Variants in SLC17A3 observed in about 807,000 individuals in gnomAD.
SLC17A3 encodes the protein sodium-dependent phosphate transport protein 4.
Under a neutral mutation model 60.3 loss-of-function variants are expected in SLC17A3, and 61 were observed. The ratio of observed to expected loss-of-function variants is 1.01; its 90% CI spans 0.82 to 1.25. The LOEUF is 1.25. SLC17A3 is among the 50% of genes most tolerant of loss of function. The probability of loss-of-function intolerance (pLI) is 0.00; values close to 1 mark genes in which losing one functional copy is unlikely to be tolerated. For synonymous variants in SLC17A3, 192 were observed against 208.9 expected (o/e 0.92, Z 0.70); for missense variants, 624 against 594.9 (o/e 1.05, Z -0.51).
chr6:25,857,328 T>C (rs1018444197), intron 5 of SLC17A3, among the ~76,000 whole-genome samples: 2 of 152,212 alleles, frequency 1.3e-5, no homozygotes, highest in African/African-American at 4.8e-5. Context: ...CTTTTTATCT[T>C]TGTTTCTTTT....
intron 7 of SLC17A3, 38 bp from the exon 8 acceptor site, chr6:25,850,658 C>T: frequency 6.2e-7 from 1 of 1,612,944 alleles, no homozygotes; most frequent in Non-Finnish European, 8.5e-7. Flanking sequence ...GTAAATCCGA[C>T]AGATGCTCAC....
chr6:25,855,167 C>T lies in SLC17A3; in HGVS notation c.689G>A (p.Trp230Ter), dbSNP rs561497734. The part of the protein sequence containing the change: ...IGGFISETLG[W>*]PFVFYIFGGV... ...ACCAAAGATATAGAAGACAAAGGGCCACCCAAGGGTTTCACTAATGAAGCC... is the reference window on the plus strand; with the variant it reads ...ACCAAAGATATAGAAGACAAAGGGCTACCCAAGGGTTTCACTAATGAAGCC... The change falls in exon 6 of 13, where the codon TGG (tryptophan) becomes TAG (stop). Residue 230 changes from tryptophan (W) to a stop codon, truncating the protein, a stop_gained. Coordinates refer to ENST00000397060, the MANE Select transcript of SLC17A3 (RefSeq NM_001098486.2). LOFTEE classifies it high-confidence loss of function. 33 of 1,613,102 alleles carry T rather than the reference C, an allele frequency of 2.0e-5. No homozygotes were observed. Among genetic ancestry groups the T allele is most frequent in the Admixed American group, 3.3e-5 (2 of 59,974 alleles).
Position 25,850,140 on chromosome 6 carries a change from C to A in SLC17A3, c.1031G>T (p.Trp344Leu), listed in dbSNP as rs565447326. 5.0e-6 allele frequency: 8 copies of A among 1,613,380 alleles called. No homozygotes were observed. The highest frequency in any genetic ancestry group is 6.8e-6 in the Non-Finnish European group (8 of 1,179,478). Residue 344 changes from tryptophan to leucine, a missense_variant, in exon 9 of 13, where the codon TGG (tryptophan) becomes TTG (leucine). Transcript: ENST00000397060. ...ATAGCCTCCCACCATGCCTATGACC[C>A]AGGCAACAATAAAAGGAAGGGCAGA... Reference protein sequence around the residue: ...LLSALPFIVAWVIGMVGGYLA... With the variant: ...LLSALPFIVALVIGMVGGYLA...
At chr6:25,857,472 T>C (rs926456855) in intron 5 of SLC17A3, among the ~76,000 whole-genome samples, 1 of 151,972 alleles carries the variant, frequency 6.6e-6, no homozygotes, top group East Asian at 1.9e-4. Flanking sequence ...TGTAAGTTTT[T>C]ACGGAGCCAG....
chr6:25,868,231 A>T, intron 2 of SLC17A3, 66 bp downstream of exon 2: 1 of 1,100,932 alleles, frequency 9.1e-7, no homozygotes. Context: ...TCATTTTTAT[A>T]GTAATACGTT....
At position 25,861,989 on chromosome 6, in the gene SLC17A3, A is replaced by T. The variant is rs755859454; in HGVS notation, c.344T>A (p.Ile115Asn). 1 of 1,610,950 alleles carries T rather than the reference A, an allele frequency of 6.2e-7. No homozygotes were observed. The highest frequency in any genetic ancestry group is 8.5e-7 in the Non-Finnish European group (1 of 1,178,662). Reference protein sequence around the residue: ...YDWSPQIQGIIFGAVGYGGIL... With the variant: ...YDWSPQIQGINFGAVGYGGIL... The stretch of plus-strand genomic sequence containing the variant: ...GCCACCATAGCCAACAGCACCAAAG[A>T]TGATGCCTTGGATTTGAGGAGACCA... Residue 115 changes from isoleucine to asparagine, a missense_variant, in exon 4 of 13, where the codon ATC (isoleucine) becomes AAC (asparagine). Ile to Asn is a moderately radical substitution (Grantham distance 149). Coordinates refer to ENST00000397060, the MANE Select transcript of SLC17A3 (RefSeq NM_001098486.2).
In SLC17A3 at chr6:25,862,349, T is replaced by A. The variant is rs1297229967; in HGVS notation, c.187A>T (p.Met63Leu). The A allele has an allele frequency of 6.2e-7, 1 of 1,613,694 alleles. No homozygotes were observed. The highest frequency in any genetic ancestry group is 1.3e-5 in the African/African-American group (1 of 74,894). ...IAQNVIMNIT[M>L]VAMVNSTSPQ... ...CTTGTGCTGTTGACCATGGCTACCA[T>A]GGTGATGTTCATGATGACATTTTGT... The change falls in exon 3 of 13, where the codon ATG becomes TTG. Residue 63 changes from methionine (M) to leucine (L), a missense_variant. By Grantham distance (15) the Met-to-Leu change is conservative. Transcript: ENST00000397060.
chr6:25,847,059 A>C (rs879825366), intron 11 of SLC17A3, among the ~76,000 whole-genome samples: 27 of 150,368 alleles, frequency 1.8e-4, no homozygotes, highest in Admixed American at 2.6e-4. Flanking sequence ...TTTTTTTCTG[A>C]CTCTTTCCCT....
intron 5 of SLC17A3, among the ~76,000 whole-genome samples, chr6:25,855,849 CATTAAT>C (rs1420101331): frequency 2.0e-5 from 3 of 152,084 alleles, no homozygotes; most frequent in Non-Finnish European, 2.9e-5. Context: ...TCCAGATGAA[CATTAAT>C]ATTAAGTCAT....
At chr6:25,853,404 ATGT>A (rs1287875121) in intron 6 of SLC17A3, among the ~76,000 whole-genome samples, 3 of 102,560 alleles carry the variant, frequency 2.9e-5, no homozygotes, top group African/African-American at 7.0e-5. Flanking sequence ...TAATTTCTGC[ATGT>A]TTTTTTTTTT....
At chr6:25,856,522 G>A (rs1765358558) in intron 5 of SLC17A3, among the ~76,000 whole-genome samples, 1 of 152,162 alleles carries the variant, frequency 6.6e-6, no homozygotes, top group African/African-American at 2.4e-5. Flanking sequence ...ACAGGCATAA[G>A]CCACCATGCC....
chr6:25,866,695 G>T (rs1181050047), intron 2 of SLC17A3, among the ~76,000 whole-genome samples: 1 of 151,866 alleles, frequency 6.6e-6, no homozygotes, highest in African/African-American at 2.4e-5. Flanking sequence ...AGACTAAAAT[G>T]TTAAGACATT....
chr6:25,845,262 A>G lies in SLC17A3; in HGVS notation c.*39T>C. ...ACGGAAGCCTTCTATTTTATGCAATACGGTGCCTAATGACTTTTCCATCCA... is the reference window on the plus strand; with the variant it reads ...ACGGAAGCCTTCTATTTTATGCAATGCGGTGCCTAATGACTTTTCCATCCA... On this transcript the variant is annotated 3_prime_UTR_variant, in exon 13 of 13. Transcript: ENST00000397060. 1 of 1,207,626 alleles carries G rather than the reference A, an allele frequency of 8.3e-7. No homozygotes were observed. The highest frequency in any genetic ancestry group is 1.7e-5 in the Admixed American group (1 of 58,292). The allele number at this position is 1,207,626 out of a possible 1,614,324, so 74.8% of individuals were successfully genotyped here.
At chr6:25,848,488 AT>A (rs1255914030) in intron 11 of SLC17A3, among the ~76,000 whole-genome samples, 1 of 152,162 alleles carries the variant, frequency 6.6e-6, no homozygotes, top group Non-Finnish European at 1.5e-5. Context: ...TTTTTTGGAC[AT>A]TTAGTAGGGA....
In SLC17A3 at chr6:25,849,937, G is replaced by A. The variant is rs1298373771; in HGVS notation, c.1139C>T (p.Ser380Leu). ...IATILGSLPS[S>L]ALIVSLPYLN... is the part of the protein sequence containing the mutation. ...GTAAGGCAGAGACACAATGAGTGCT[G>A]AAGAGGGGAGACTTCCTAGGAAATG... Residue 380 changes from serine to leucine, a missense_variant, in exon 10 of 13, where the codon TCA (serine) becomes TTA (leucine). Physicochemically the swap from Ser to Leu is moderately radical, Grantham distance 145. Coordinates refer to ENST00000397060, the MANE Select transcript of SLC17A3 (RefSeq NM_001098486.2). 4 of 1,614,106 alleles carry A rather than the reference G, an allele frequency of 2.5e-6. No homozygotes were observed. The highest frequency in any genetic ancestry group is 3.4e-6 in the Non-Finnish European group (4 of 1,179,894).
At chr6:25,869,294 T>A (rs1165932372) in intron 1 of SLC17A3, among the ~76,000 whole-genome samples, 3 of 151,930 alleles carry the variant, frequency 2.0e-5, no homozygotes, top group Admixed American at 2.0e-4. Context: ...AATTTATGAT[T>A]CTCTTAAAGA....
At chr6:25,853,406 GTTTTTTTTTTTTTT>G (rs70977233) in intron 6 of SLC17A3, among the ~76,000 whole-genome samples, 2 of 58,726 alleles carry the variant, frequency 3.4e-5, no homozygotes, top group African/African-American at 7.0e-5. Flanking sequence ...ATTTCTGCAT[GTTTTTTTTTTTTTT>G]TTTTTTTTTT....
chr6:25,866,011 TGACA>T (rs1313815718), intron 2 of SLC17A3, among the ~76,000 whole-genome samples: 1 of 151,996 alleles, frequency 6.6e-6, no homozygotes, highest in Admixed American at 6.6e-5. Flanking sequence ...TAATTTGATG[TGACA>T]GACAGACCTT....
At chr6:25,863,682 T>C (rs1185355660) in intron 2 of SLC17A3, among the ~76,000 whole-genome samples, 1 of 152,146 alleles carries the variant, frequency 6.6e-6, no homozygotes, top group East Asian at 1.9e-4. Context: ...AGCTGTCTAC[T>C]CTCCTACCAT....
Sources: allele counts gnomAD v4.1 joint callset (sites outside exome capture counted in the v4.1 genomes callset), GRCh38; gene constraint gnomAD v4.1.1; transcripts MANE v1.5; gene names NCBI Gene and HGNC (gene_info 2026-07-23, HGNC 2026-07-21).